FRMPD2: variants seen among roughly 807,000 people sequenced by gnomAD.
FRMPD2 encodes FERM and PDZ domain-containing protein 2.
A neutral mutation model predicts 140.1 loss-of-function variants in FRMPD2; 96 were observed. That is an observed-to-expected ratio of 0.69 (90% CI 0.58 to 0.81). The LOEUF is 0.81. Among genes scored for constraint, FRMPD2 ranks in the 40% least tolerant of loss-of-function variants. FRMPD2 has a pLI of 0.00. For missense variants in FRMPD2, 1,240 were observed against 1,447.4 expected, an observed-to-expected ratio of 0.86 and a Z score of 2.32; for synonymous variants, 449 against 547.6, an observed-to-expected ratio of 0.82 and a Z score of 2.52.
At chr10:48,227,391 A>C (rs1162039594) in intron 10 of FRMPD2, among the ~76,000 whole-genome samples, 7 of 152,198 alleles carry the variant, frequency 4.6e-5, no homozygotes, top group Non-Finnish European at 1.5e-5. Context: ...TCAGGTTTGC[A>C]TCAGATGGCG....
chr10:48,171,812 C>CA (rs1217246372), intron 25 of FRMPD2, among the ~76,000 whole-genome samples: 1 of 152,224 alleles, frequency 6.6e-6, no homozygotes, highest in Non-Finnish European at 1.5e-5. Context: ...TTTAATAAAA[C>CA]TTGTATCACA....
chr10:48,266,935 G>A (rs1000851243), intron 1 of FRMPD2, among the ~76,000 whole-genome samples: 6 of 152,208 alleles, frequency 3.9e-5, no homozygotes, highest in Non-Finnish European at 8.8e-5. Context: ...TAGCAAGGGT[G>A]GTGTCAGCAG....
chr10:48,232,863 C>T (rs1839883187), intron 9 of FRMPD2, among the ~76,000 whole-genome samples: 1 of 152,190 alleles, frequency 6.6e-6, no homozygotes, highest in Non-Finnish European at 1.5e-5. Context: ...GCCTCTTCAT[C>T]TCCCACCACA....
At chr10:48,232,901 T>G (rs1839883758) in intron 9 of FRMPD2, among the ~76,000 whole-genome samples, 1 of 152,122 alleles carries the variant, frequency 6.6e-6, no homozygotes, top group Non-Finnish European at 1.5e-5. Context: ...GTTGCCTTGG[T>G]TCAGCCTCCT....
Position 48,206,952 on chromosome 10 carries a change from G to A in FRMPD2, c.1612-19C>T. On this transcript the variant is annotated intron_variant, in intron 13 of 28. Transcript: ENST00000374201. ...GAGTGACCTGGAGCAGAAAAAGGCT[G>A]ATTTAGAAGAGACAGGCACATGGTT... The A allele has an allele frequency of 1.2e-6, 2 of 1,610,622 alleles. No homozygotes were observed. The highest frequency in any genetic ancestry group is 1.7e-6 in the Non-Finnish European group (2 of 1,178,092).
chr10:48,205,221 A>G (rs1240798297), intron 14 of FRMPD2, among the ~76,000 whole-genome samples: 1 of 152,236 alleles, frequency 6.6e-6, no homozygotes, highest in East Asian at 1.9e-4. Context: ...CATGCCAAGG[A>G]AGAGGATGAT....
chr10:48,217,518 A>G (rs1839478476), intron 12 of FRMPD2, among the ~76,000 whole-genome samples: 1 of 152,196 alleles, frequency 6.6e-6, no homozygotes, highest in African/African-American at 2.4e-5. Context: ...CCAATTGGTG[A>G]GCTATGAATC....
chr10:48,184,916 T>C (rs1838643344), intron 18 of FRMPD2, 35 bp from the exon 19 acceptor site: 1 of 1,508,632 alleles, frequency 6.6e-7, no homozygotes, highest in Admixed American at 1.7e-5. Flanking sequence ...GATAAGATGA[T>C]ACTTAGTGAT....
At position 48,178,125 on chromosome 10, in the gene FRMPD2, TG is replaced by T. The variant is rs1423792279; in HGVS notation, c.2816del (p.Ser939TyrfsTer26). 1 of 1,567,734 alleles carries T rather than the reference TG, an allele frequency of 6.4e-7. No individual in the cohort carries two copies. Among genetic ancestry groups the T allele is most frequent in the Admixed American group, 1.7e-5 (1 of 59,840 alleles). On this transcript the variant is annotated frameshift_variant, in exon 22 of 29. Transcript: ENST00000374201. LOFTEE classifies it high-confidence loss of function. ...TTTCACCAGCACTGATTTCTGGAGG[TG>T]ATGGAGGACAAGAAGAACCAGCACC... ...LKGAGSSCPPSPPEISAGEIY... is the reference protein window; with the variant it reads ...LKGAGSSCPPXPPEISAGEIY...
At chr10:48,233,284 G>T (rs1019102360) in intron 9 of FRMPD2, among the ~76,000 whole-genome samples, 1 of 152,178 alleles carries the variant, frequency 6.6e-6, no homozygotes, top group Admixed American at 6.5e-5. Flanking sequence ...CACACATGCC[G>T]CTGGGCAGGG....
At chr10:48,260,550 A>T (rs904478302) in intron 1 of FRMPD2, among the ~76,000 whole-genome samples, 3 of 152,230 alleles carry the variant, frequency 2.0e-5, no homozygotes, top group Admixed American at 2.0e-4. Context: ...GACACGTTCC[A>T]AAATAACATT....
chr10:48,206,920 A>T lies in FRMPD2; in HGVS notation c.1625T>A (p.Leu542His). ...ELKFLRVTQQ[L>H]PEYGVLVHQV... ...GTGAACCAGCACACCGTATTCTGGGAGCTGCTGAGTGACCTGGAGCAGAAA... is the reference window on the plus strand; with the variant it reads ...GTGAACCAGCACACCGTATTCTGGGTGCTGCTGAGTGACCTGGAGCAGAAA... Residue 542 changes from leucine (L) to histidine (H), a missense_variant, in exon 14 of 29, where the codon CTC becomes CAC. Coordinates refer to ENST00000374201, the MANE Select transcript of FRMPD2 (RefSeq NM_001018071.4). The T allele has an allele frequency of 6.2e-7, 1 of 1,613,758 alleles. No homozygotes were observed. The highest frequency in any genetic ancestry group is 8.5e-7 in the Non-Finnish European group (1 of 1,179,804).
rs557203295 is a variant in FRMPD2 at position 48,255,277 on chromosome 10, C to G, written c.26-3586G>C. Among the ~76,000 whole-genome samples, 3 of 152,276 alleles carry G rather than the reference C, an allele frequency of 2.0e-5. No individual in the cohort carries two copies. The East Asian group carries it at 5.8e-4, about 29-fold the overall frequency. On this transcript the variant is annotated intron_variant, in intron 1 of 28. Coordinates refer to ENST00000374201, the MANE Select transcript of FRMPD2 (RefSeq NM_001018071.4). ...TCTTTGGGCCCTTTCCAATGAGTTT[C>G]CAGGCTGAGGAGCATCCTGTTTGCC...
intron 20 of FRMPD2, among the ~76,000 whole-genome samples, chr10:48,183,496 C>A (rs1838599078): frequency 6.6e-6 from 1 of 152,112 alleles, no homozygotes; most frequent in South Asian, 2.1e-4. Flanking sequence ...GTACTTTACT[C>A]TTTAGGTTGA....
intron 3 of FRMPD2, among the ~76,000 whole-genome samples, chr10:48,245,606 C>T (rs1840229284): frequency 6.6e-6 from 1 of 152,196 alleles, no homozygotes; most frequent in Admixed American, 6.5e-5. Flanking sequence ...TATTATTGGA[C>T]ATAGAGCACT....
Position 48,191,286 on chromosome 10 carries a change from T to C in FRMPD2, c.2165+1398A>G, listed in dbSNP as rs539366163. ...GAAGCAGCCTGTGAACAAAGTCGTC[T>C]TGCGTCCTCTAGACTAGTCCAGCAT... On this transcript the variant is annotated intron_variant, in intron 16 of 28. Coordinates refer to ENST00000374201, the MANE Select transcript of FRMPD2 (RefSeq NM_001018071.4). Among the ~76,000 whole-genome samples, 6 of 152,326 alleles carry C rather than the reference T, an allele frequency of 3.9e-5. No individual in the cohort carries two copies. In the South Asian group the frequency reaches 1.2e-3, roughly 32 times the overall value.
At chr10:48,232,823 G>A (rs1189845161) in intron 9 of FRMPD2, among the ~76,000 whole-genome samples, 1 of 152,192 alleles carries the variant, frequency 6.6e-6, no homozygotes, top group Non-Finnish European at 1.5e-5. Context: ...TGGGTCGGCA[G>A]AGCCAAAGAG....
intron 14 of FRMPD2, among the ~76,000 whole-genome samples, chr10:48,203,764 G>A (rs1413409854): frequency 1.2e-4 from 19 of 152,112 alleles, no homozygotes; most frequent in Non-Finnish European, 1.6e-4. Flanking sequence ...CTTCCTGGGA[G>A]GAGCCCTGGC....
At chr10:48,239,040 G>A (rs1205037997) in intron 7 of FRMPD2, among the ~76,000 whole-genome samples, 1 of 151,984 alleles carries the variant, frequency 6.6e-6, no homozygotes. Flanking sequence ...GTTCCTCTCT[G>A]TCAGTTCTGC....
Sources: gnomAD v4.1 joint callset for allele counts (sites outside exome capture counted in the v4.1 genomes callset) on GRCh38, gnomAD v4.1.1 for gene constraint, MANE v1.5 for transcripts, NCBI Gene and HGNC (gene_info 2026-07-23, HGNC 2026-07-21) for gene names.